Variants in GRID2 observed in about 807,000 individuals in gnomAD.
GRID2 encodes glutamate ionotropic receptor delta type subunit 2.
In GRID2, 33 loss-of-function variants were observed where a neutral mutation model predicts 114.8. The observed-to-expected ratio is 0.29, with a 90% confidence interval of 0.22 to 0.38. The LOEUF is 0.38. Ranked by LOEUF, GRID2 falls within the 10% of genes least tolerant of loss-of-function variation. GRID2 has a pLI of 1.00. For synonymous variants in GRID2, 505 were observed against 449.9 expected (o/e 1.12, Z -1.55); for missense variants, 1,184 against 1,257.7 (o/e 0.94, Z 0.89).
chr4:93,781,980 G>A (rs4693339), intron 1 of GRID2, among the ~76,000 whole-genome samples: 148,620 of 152,292 alleles, frequency 0.98, 72,538 homozygotes, highest in East Asian at 1. Flanking sequence ...TTCAAACTTT[G>A]ATTGTTAGAT....
chr4:93,761,208 A>G (rs1240329783), intron 14 of GRID2, among the ~76,000 whole-genome samples: 1 of 152,206 alleles, frequency 6.6e-6, no homozygotes, highest in African/African-American at 2.4e-5. Context: ...ACATATTAAT[A>G]CACTATTGAA....
At chr4:93,397,554 G>A (rs967312180) in intron 9 of GRID2, among the ~76,000 whole-genome samples, 4 of 151,904 alleles carry the variant, frequency 2.6e-5, no homozygotes, top group African/African-American at 9.7e-5. Context: ...CTATATGATA[G>A]ACTCAGTAAT....
chr4:92,578,858 T>C (rs774278845), intron 1 of GRID2, among the ~76,000 whole-genome samples: 8 of 152,164 alleles, frequency 5.3e-5, no homozygotes, highest in Admixed American at 1.3e-4. Flanking sequence ...ACTTCATCAT[T>C]AGATCACAAT....
intron 14 of GRID2, among the ~76,000 whole-genome samples, chr4:93,703,993 T>A (rs1252712234): frequency 6.6e-6 from 1 of 152,148 alleles, no homozygotes; most frequent in African/African-American, 2.4e-5. Flanking sequence ...TGATTTATAA[T>A]CCTTTGGGTA....
chr4:93,768,499 G>A (rs1733854967), intron 14 of GRID2, among the ~76,000 whole-genome samples: 1 of 152,060 alleles, frequency 6.6e-6, no homozygotes, highest in Non-Finnish European at 1.5e-5. Context: ...AAAAGAAGAG[G>A]GTTTTTCCTA....
chr4:92,635,115 C>G (rs899469), intron 2 of GRID2, among the ~76,000 whole-genome samples: 60,725 of 151,834 alleles, frequency 0.4, 12,888 homozygotes, highest in African/African-American at 0.55. Context: ...ACAATATTTG[C>G]TTGGTATCCG....
intron 2 of GRID2, among the ~76,000 whole-genome samples, chr4:92,674,420 A>G (rs997771655): frequency 2.6e-5 from 4 of 152,210 alleles, no homozygotes; most frequent in Admixed American, 2.0e-4. Context: ...AGTCCACCCT[A>G]TAGCTTTCTT....
At chr4:92,354,083 G>A (rs1560582992) in intron 1 of GRID2, among the ~76,000 whole-genome samples, 1 of 151,830 alleles carries the variant, frequency 6.6e-6, no homozygotes, top group Non-Finnish European at 1.5e-5. Flanking sequence ...CTCCCAGACA[G>A]GTTAGAACAT....
chr4:92,694,193 C>A (rs527280128), intron 2 of GRID2, among the ~76,000 whole-genome samples: 2 of 152,240 alleles, frequency 1.3e-5, no homozygotes, highest in East Asian at 3.9e-4. Flanking sequence ...GGGAAAGGAG[C>A]AGGAAGCACC....
chr4:92,451,832 A>AGTAT (rs530060518), intron 1 of GRID2, among the ~76,000 whole-genome samples: 42 of 152,328 alleles, frequency 2.8e-4, no homozygotes, highest in African/African-American at 9.9e-4. Context: ...AAAGAGCCTA[A>AGTAT]GTATTCATCT....
At chr4:93,383,322 T>C (rs1375932718) in intron 8 of GRID2, among the ~76,000 whole-genome samples, 1 of 152,178 alleles carries the variant, frequency 6.6e-6, no homozygotes, top group Admixed American at 6.6e-5. Flanking sequence ...CTTTTGCCCA[T>C]GCTGGCTTTT....
At chr4:92,486,561 A>T (rs1160059128) in intron 1 of GRID2, among the ~76,000 whole-genome samples, 7 of 150,380 alleles carry the variant, frequency 4.7e-5, no homozygotes, top group African/African-American at 1.7e-4. Flanking sequence ...ACACACACAC[A>T]CACACACACA....
At chr4:92,872,263 T>C (rs1745331397) in intron 2 of GRID2, among the ~76,000 whole-genome samples, 1 of 152,172 alleles carries the variant, frequency 6.6e-6, no homozygotes, top group Non-Finnish European at 1.5e-5. Context: ...GAAGAAAGAA[T>C]ATATGAAGAA....
At chr4:93,735,494 A>G (rs1175464319) in intron 14 of GRID2, among the ~76,000 whole-genome samples, 1 of 151,950 alleles carries the variant, frequency 6.6e-6, no homozygotes, top group African/African-American at 2.4e-5. Flanking sequence ...TTCATTTTCT[A>G]TCTAAGCCTC....
chr4:92,617,195 C>A (rs183559724), intron 2 of GRID2, among the ~76,000 whole-genome samples: 18 of 151,078 alleles, frequency 1.2e-4, no homozygotes, highest in Non-Finnish European at 2.7e-4. Flanking sequence ...ACCCTTACTA[C>A]CCTCTAGTAT....
At chr4:93,702,010 T>C (rs1727553741) in intron 14 of GRID2, among the ~76,000 whole-genome samples, 1 of 152,118 alleles carries the variant, frequency 6.6e-6, no homozygotes, top group Non-Finnish European at 1.5e-5. Flanking sequence ...AAGGAATTCA[T>C]TAACTAACTT....
At chr4:92,719,636 C>G (rs111427476) in intron 2 of GRID2, among the ~76,000 whole-genome samples, 360 of 152,128 alleles carry the variant, frequency 2.4e-3, no homozygotes, top group African/African-American at 8.4e-3. Context: ...TATGAACTTG[C>G]ATGAGCCAGA....
chr4:93,352,412 A>G (rs1371854895), intron 8 of GRID2, among the ~76,000 whole-genome samples: 2 of 152,066 alleles, frequency 1.3e-5, no homozygotes, highest in African/African-American at 4.8e-5. Flanking sequence ...AAGAAGCAGT[A>G]CACAGAGTCA....
At chr4:93,774,756 C>T (rs570082583), downstream of GRID2, among the ~76,000 whole-genome samples, 1 of 152,108 alleles carries the variant, frequency 6.6e-6, no homozygotes, top group African/African-American at 2.4e-5. Flanking sequence ...GAGAGACTGC[C>T]TTTCTGCTAT....
Sources: gnomAD v4.1 joint callset for allele counts (sites outside exome capture counted in the v4.1 genomes callset) on GRCh38, gnomAD v4.1.1 for gene constraint, MANE v1.5 for transcripts, NCBI Gene and HGNC (gene_info 2026-07-23, HGNC 2026-07-21) for gene names.